Variants in CAPN5 observed in about 807,000 individuals in gnomAD.
The protein encoded by CAPN5 is calpain 5.
A neutral mutation model predicts 73.0 loss-of-function variants in CAPN5; 54 were observed. The observed-to-expected ratio is 0.74, with a 90% CI of 0.59 to 0.93. The LOEUF (loss-of-function observed/expected upper bound fraction) is 0.93, where lower values mean the gene tolerates loss of function less well. Ranked by LOEUF, CAPN5 falls within the 40% of genes least tolerant of loss-of-function variation. CAPN5 has a pLI of 0.00. For missense variants in CAPN5, 785 were observed against 882.9 expected (o/e 0.89, Z 1.41); for synonymous variants, 335 against 356.9 (o/e 0.94, Z 0.69).
chr11:77,114,472 T>G (rs782170293), intron 5 of CAPN5, 38 bp downstream of exon 5: 4 of 1,572,520 alleles, frequency 2.5e-6, no homozygotes, highest in Non-Finnish European at 3.5e-6. Context: ...ACCCCTCCCC[T>G]TCACCCTCGC....
intron 3 of CAPN5, among the ~76,000 whole-genome samples, chr11:77,109,020 T>A (rs1473600140): frequency 6.6e-6 from 1 of 152,238 alleles, no homozygotes; most frequent in Middle Eastern, 3.2e-3. Flanking sequence ...GTTTGACATG[T>A]TCTCTGTCCC....
rs781825630 is a variant in CAPN5, at chr11:77,115,489, G to A, written c.794G>A (p.Gly265Asp). Residue 265 changes from glycine to aspartate, a missense_variant, in exon 6 of 13, where the codon GGC (glycine) becomes GAC (aspartate). Transcript: ENST00000648180. ...ACTGATGTGCGCAAGGTGCGCCTGG[G>A]CCACGGCCTACTGGCCTTCTTCAAG... ...AVTDVRKVRL[G>D]HGLLAFFKSE... 2.5e-6 allele frequency: 4 copies of A among 1,613,344 alleles called. No homozygotes were observed. In the South Asian group the frequency reaches 4.4e-5, roughly 18 times the overall value.
At chr11:77,093,237 T>C (rs1444017593) in intron 2 of CAPN5, among the ~76,000 whole-genome samples, 7 of 152,164 alleles carry the variant, frequency 4.6e-5, no homozygotes, top group African/African-American at 1.7e-4. Flanking sequence ...GTTTGTCCCA[T>C]GCCCGCACCC....
chr11:77,085,458 C>T (rs1950075811), intron 2 of CAPN5, among the ~76,000 whole-genome samples: 3 of 152,116 alleles, frequency 2.0e-5, no homozygotes, highest in African/African-American at 7.2e-5. Context: ...TTGAAATAGT[C>T]ATTTGTGGTA....
At chr11:77,122,136 T>C in intron 11 of CAPN5, 87 bp downstream of exon 11, 2 of 741,702 alleles carry the variant, frequency 2.7e-6, no homozygotes, top group Non-Finnish European at 4.3e-6. Flanking sequence ...GCCTCAGAGC[T>C]CTCCTGCTCT....
intron 3 of CAPN5, among the ~76,000 whole-genome samples, chr11:77,108,356 C>A (rs1420378663): frequency 6.6e-6 from 1 of 152,176 alleles, no homozygotes; most frequent in Non-Finnish European, 1.5e-5. Flanking sequence ...TGCCTCAAAG[C>A]TGCTGCTCAG....
chr11:77,123,410 G>GT (rs1417177203), intron 12 of CAPN5, among the ~76,000 whole-genome samples: 4 of 152,188 alleles, frequency 2.6e-5, no homozygotes, highest in African/African-American at 9.7e-5. Context: ...AGGGCAGTGG[G>GT]TGTACCGCTT....
At chr11:77,114,149 C>A (rs967503285) in intron 4 of CAPN5, 93 bp from the exon 5 acceptor site, 9 of 1,162,078 alleles carry the variant, frequency 7.7e-6, no homozygotes, top group Admixed American at 3.5e-5. Context: ...GGTTGTTTGA[C>A]CCCTCTGAGT....
rs1555039082 is a variant in CAPN5 at position 77,102,821 on chromosome 11, T to TG, written c.297+9010dup. On this transcript the variant is annotated intron_variant, in intron 3 of 12. Coordinates refer to ENST00000648180, the MANE Select transcript of CAPN5 (RefSeq NM_004055.5). ...AGCCCACTTGGGTCCTTGGCGTTGG[T>TG]GGCAGCAGCACTTGGGCCATGGCGG... 2.6e-6 allele frequency: 4 copies of TG among 1,547,170 alleles called. No homozygotes were observed. The African/African-American group carries it at 5.4e-5, about 21-fold the overall frequency.
Position 77,093,676 on chromosome 11 carries a change from C to G in CAPN5, c.166-6C>G, listed in dbSNP as rs1256947358. On this transcript the variant is annotated splice_region_variant and splice_polypyrimidine_tract_variant and intron_variant, in intron 2 of 12. Coordinates refer to ENST00000648180, the MANE Select transcript of CAPN5 (RefSeq NM_004055.5). ...CCCTCACGCTCTCTCCTCGCCTTCT[C>G]CGCAGGGCATCTGCGAGGACCCCCG... 6.3e-7 allele frequency: 1 copy of G among 1,579,458 alleles called. No individual in the cohort carries two copies. Among genetic ancestry groups the G allele is most frequent in the Non-Finnish European group, 8.6e-7 (1 of 1,166,676 alleles).
At position 77,118,359 on chromosome 11, in the gene CAPN5, G is replaced by C. The variant is rs571366019; in HGVS notation, c.1167+7G>C. ...CTTCTTCCAGAACCCACAGGTGGGC[G>C]TTCTCAGGAACCCCCACCCTGCCCT... is the stretch of plus-strand genomic sequence containing the variant. On this transcript the variant is annotated splice_region_variant and intron_variant, in intron 8 of 12. Coordinates refer to ENST00000648180, the MANE Select transcript of CAPN5 (RefSeq NM_004055.5). 2 of 1,562,204 alleles carry C rather than the reference G, an allele frequency of 1.3e-6. No homozygotes were observed. Among genetic ancestry groups the C allele is most frequent in the African/African-American group, 1.4e-5 (1 of 73,858 alleles).
At chr11:77,103,024 G>A (rs1555039183) in intron 3 of CAPN5, 8 of 1,613,586 alleles carry the variant, frequency 5.0e-6, no homozygotes, top group East Asian at 2.2e-5. Flanking sequence ...CAGCAGCAGC[G>A]GCTACAGTTC....
intron 2 of CAPN5, chr11:77,088,187 A>C: frequency 6.3e-6 from 5 of 790,752 alleles, no homozygotes; most frequent in Non-Finnish European, 9.2e-6. Context: ...GGGGTGGGGG[A>C]GGGGGACTAA....
chr11:77,114,127 G>A (rs1403581827), intron 4 of CAPN5, 115 bp from the exon 5 acceptor site: 18 of 912,920 alleles, frequency 2.0e-5, no homozygotes, highest in African/African-American at 3.3e-5. Flanking sequence ...GGCCTGCTGC[G>A]TGACTGTAAC....
chr11:77,097,177 A>C (rs1950218642), intron 3 of CAPN5, among the ~76,000 whole-genome samples: 1 of 152,180 alleles, frequency 6.6e-6, no homozygotes, highest in African/African-American at 2.4e-5. Context: ...AGCCAAGATC[A>C]TGCCACTGCA....
At chr11:77,103,382 C>A in intron 3 of CAPN5, 1 of 1,552,332 alleles carries the variant, frequency 6.4e-7, no homozygotes, top group Non-Finnish European at 8.7e-7. Flanking sequence ...CTCTCCCCTG[C>A]CCCTGCCACT....
At chr11:77,115,792 T>C (rs1950461445) in intron 6 of CAPN5, among the ~76,000 whole-genome samples, 1 of 152,000 alleles carries the variant, frequency 6.6e-6, no homozygotes, top group Non-Finnish European at 1.5e-5. Flanking sequence ...CTGGAGGCCA[T>C]CAGGGGTGTA....
rs2277276 is a variant in CAPN5 at position 77,124,794 on chromosome 11, A to G, written c.*924A>G. On this transcript the variant is annotated 3_prime_UTR_variant, in exon 13 of 13. Coordinates refer to ENST00000648180, the MANE Select transcript of CAPN5 (RefSeq NM_004055.5). ...CTGTAAGACCCCAGCTTTTCCTGGA[A>G]GATGGGACTCTGGGGTGTGTGGTGC... The G allele has an allele frequency of 0.021, 3,162 of 152,252 alleles. 41 individuals carry two copies. Among genetic ancestry groups the G allele is most frequent in the South Asian group, 0.058 (281 of 4,822 alleles). 9.4% of individuals were successfully genotyped at this position (152,252 alleles called of 1,614,324 possible).
At chr11:77,073,227 C>G (rs781993523) in intron 1 of CAPN5, 1 of 714,640 alleles carries the variant, frequency 1.4e-6, no homozygotes, top group Non-Finnish European at 2.1e-6. Context: ...GCTGCTCACC[C>G]GAGGCTTGGC....
Sources: allele counts gnomAD v4.1 joint callset (sites outside exome capture counted in the v4.1 genomes callset), GRCh38; gene constraint gnomAD v4.1.1; transcripts MANE v1.5; gene names NCBI Gene and HGNC (gene_info 2026-07-23, HGNC 2026-07-21).